NEDD9: variants seen among roughly 807,000 people sequenced by gnomAD.
NEDD9 encodes the protein neural precursor cell expressed, developmentally down-regulated 9.
In NEDD9, 26 loss-of-function variants were observed where a neutral mutation model predicts 76.6. The observed-to-expected ratio is 0.34, with a 90% confidence interval of 0.25 to 0.47. The LOEUF (loss-of-function observed/expected upper bound fraction) is 0.47. Ranked by LOEUF, NEDD9 falls within the 20% of genes least tolerant of loss-of-function variation. The probability of loss-of-function intolerance (pLI) is 1.00; values close to 1 mark genes in which losing one functional copy is unlikely to be tolerated. For synonymous variants in NEDD9, 392 were observed against 414.2 expected (o/e 0.95, Z 0.65); for missense variants, 937 against 1,058.5 (o/e 0.89, Z 1.59).
chr6:11,366,804 T>A (rs1412800727), intron 1 of NEDD9, among the ~76,000 whole-genome samples: 2 of 150,716 alleles, frequency 1.3e-5, no homozygotes, highest in Admixed American at 6.6e-5. Context: ...TCATGTGAGT[T>A]ACGTCATCTT....
intron 1 of NEDD9, among the ~76,000 whole-genome samples, chr6:11,363,835 G>A (rs1418898859): frequency 6.6e-6 from 1 of 151,890 alleles, no homozygotes; most frequent in Admixed American, 6.6e-5. Flanking sequence ...TAATAGTAAG[G>A]GCTAAAAAAA....
At chr6:11,319,557 C>A (rs1442053444) in intron 2 of NEDD9, among the ~76,000 whole-genome samples, 1 of 119,754 alleles carries the variant, frequency 8.4e-6, no homozygotes, top group Admixed American at 9.8e-5. Context: ...CACTAACATG[C>A]GGACACACAC....
chr6:11,357,873 G>A (rs1762607686), intron 1 of NEDD9, among the ~76,000 whole-genome samples: 1 of 152,180 alleles, frequency 6.6e-6, no homozygotes, highest in Non-Finnish European at 1.5e-5. Context: ...TGAGTCTGCG[G>A]TGATGAGTGA....
upstream of NEDD9, among the ~76,000 whole-genome samples, chr6:11,235,463 A>T (rs965317918): frequency 9.9e-5 from 15 of 152,204 alleles, no homozygotes; most frequent in African/African-American, 1.4e-4. The surrounding 1 kb of genome is among the most constrained non-coding windows in gnomAD (Gnocchi z 4.1). Context: ...AGCCCAGACA[A>T]AGTTCCCATC....
chr6:11,361,688 C>A (rs1194844380), intron 1 of NEDD9, among the ~76,000 whole-genome samples: 1 of 152,078 alleles, frequency 6.6e-6, no homozygotes, highest in Non-Finnish European at 1.5e-5. Context: ...TTAGGAAATG[C>A]TTATAGCTGA....
Position 11,188,395 on chromosome 6 carries a change from T to G in NEDD9, c.1906-88A>C, listed in dbSNP as rs1183476546. On this transcript the variant is annotated intron_variant, in intron 5 of 6. Coordinates refer to ENST00000379446, the MANE Select transcript of NEDD9 (RefSeq NM_006403.4). ...TTCATTGACGGATGAGTAAATACTC[T>G]TTATTTTCCACTGCCTTGGCAACAT... 9 of 1,139,162 alleles carry G rather than the reference T, an allele frequency of 7.9e-6. No individual in the cohort carries two copies. In the East Asian group the frequency reaches 2.1e-4, roughly 27 times the overall value. 70.6% of individuals were successfully genotyped at this position (1,139,162 alleles called of 1,614,324 possible).
chr6:11,310,781 TA>T (rs1293976104), intron 2 of NEDD9, among the ~76,000 whole-genome samples: 1 of 152,182 alleles, frequency 6.6e-6, no homozygotes, highest in Admixed American at 6.5e-5. Flanking sequence ...GCCCCAATCT[TA>T]AACCCTGCTG....
intron 3 of NEDD9, among the ~76,000 whole-genome samples, chr6:11,291,655 C>G (rs1005723227): frequency 2.6e-5 from 4 of 152,132 alleles, no homozygotes; most frequent in East Asian, 1.9e-4. Context: ...AGGTGCTTCT[C>G]TAAATGAGCC....
At chr6:11,235,283 A>C (rs1267205888), upstream of NEDD9, among the ~76,000 whole-genome samples, 1 of 152,170 alleles carries the variant, frequency 6.6e-6, no homozygotes, top group Non-Finnish European at 1.5e-5. The surrounding 1 kb of genome is among the most constrained non-coding windows in gnomAD (Gnocchi z 4.1). Flanking sequence ...AATTATAACT[A>C]GTATTAATAT....
intron 3 of NEDD9, among the ~76,000 whole-genome samples, chr6:11,257,450 G>T (rs571645153): frequency 6.6e-6 from 1 of 152,242 alleles, no homozygotes; most frequent in South Asian, 2.1e-4. Context: ...CCTTCTGAGG[G>T]CCCGTGAGTA....
intron 3 of NEDD9, among the ~76,000 whole-genome samples, chr6:11,298,155 G>T (rs915000241): frequency 2.0e-5 from 3 of 151,920 alleles, no homozygotes; most frequent in African/African-American, 7.3e-5. Flanking sequence ...TTATCTGCCC[G>T]CCTTGACCTC....
chr6:11,304,725 A>G (rs771799384), intron 3 of NEDD9, among the ~76,000 whole-genome samples: 1 of 152,206 alleles, frequency 6.6e-6, no homozygotes, highest in Non-Finnish European at 1.5e-5. Context: ...CAAACATTGC[A>G]TGTTCTCACT....
At chr6:11,362,601 A>G (rs988638612) in intron 1 of NEDD9, among the ~76,000 whole-genome samples, 12 of 152,178 alleles carry the variant, frequency 7.9e-5, no homozygotes, top group Non-Finnish European at 1.8e-4. Context: ...TTCTTTCACT[A>G]TAACTCTTGC....
rs1484315883 is a variant in NEDD9, at chr6:11,223,978, T to G, written c.12+8526A>C. Among the ~76,000 whole-genome samples the G allele has an allele frequency of 3.9e-5, 6 of 152,226 alleles. 1 individual carries two copies. The highest frequency in any genetic ancestry group is 1.4e-4 in the African/African-American group (6 of 41,464). ...TTGATGACAGTCTCTAGAGTGACCA[T>G]GTGCTTCCGGACTCTCCCAGGCAGT... On this transcript the variant is annotated intron_variant, in intron 1 of 6. Coordinates refer to ENST00000379446, the MANE Select transcript of NEDD9 (RefSeq NM_006403.4).
chr6:11,323,509 C>T (rs1049223043), intron 2 of NEDD9, among the ~76,000 whole-genome samples: 1 of 152,226 alleles, frequency 6.6e-6, no homozygotes, highest in African/African-American at 2.4e-5. Flanking sequence ...CTAGCAACGT[C>T]TGGAGACATT....
chr6:11,216,039 G>A (rs1279238219), intron 1 of NEDD9, among the ~76,000 whole-genome samples: 1 of 152,160 alleles, frequency 6.6e-6, no homozygotes, highest in African/African-American at 2.4e-5. Context: ...ACCACCTGGT[G>A]AGCAGCTGGC....
intron 3 of NEDD9, among the ~76,000 whole-genome samples, chr6:11,256,792 GGAT>G (rs2113315859): frequency 6.6e-6 from 1 of 152,250 alleles, no homozygotes; most frequent in African/African-American, 2.4e-5. Flanking sequence ...TACAAACCCT[GGAT>G]TCAATAGAGC....
intron 3 of NEDD9, chr6:11,258,504 G>A (rs1760048175): frequency 1.3e-5 from 2 of 152,122 alleles, no homozygotes; most frequent in African/African-American, 4.8e-5. Context: ...TCAGCTATTG[G>A]TCTGAAGAAG....
At chr6:11,229,533 T>G (rs1425987966) in intron 1 of NEDD9, among the ~76,000 whole-genome samples, 1 of 151,656 alleles carries the variant, frequency 6.6e-6, no homozygotes, top group African/African-American at 2.4e-5. Flanking sequence ...GGAGGGAGCC[T>G]TCACTGGGTA....
Sources: allele counts gnomAD v4.1 joint callset (sites outside exome capture counted in the v4.1 genomes callset), GRCh38; gene constraint gnomAD v4.1.1; non-coding constraint Gnocchi (gnomAD v3.1); transcripts MANE v1.5; gene names NCBI Gene and HGNC (gene_info 2026-07-23, HGNC 2026-07-21).